TAF2: variants seen among roughly 807,000 people sequenced by gnomAD.
The protein encoded by TAF2 is TATA-box binding protein associated factor 2, also known as transcription initiation factor TFIID subunit 2.
TAF2 carries 61 observed loss-of-function variants against 138.5 expected under a neutral mutation model. The observed-to-expected ratio is 0.44, with a 90% CI of 0.36 to 0.54. The LOEUF (loss-of-function observed/expected upper bound fraction) is 0.54, where lower values mean the gene tolerates loss of function less well. Ranked by LOEUF, TAF2 falls within the 20% of genes least tolerant of loss-of-function variation. The pLI is 0.00. For missense variants in TAF2, 1,090 were observed against 1,427.9 expected, an observed-to-expected ratio of 0.76 and a Z score of 3.81; for synonymous variants, 475 against 469.9, an observed-to-expected ratio of 1.01 and a Z score of -0.14.
chr8:119,831,477 A>G (rs796453388), intron 2 of TAF2, among the ~76,000 whole-genome samples, 200 bp downstream of exon 2: 22 of 152,340 alleles, frequency 1.4e-4, no homozygotes, highest in African/African-American at 5.1e-4. Flanking sequence ...AAAAAAAAGG[A>G]AAGGGAGAAT....
rs539382226 is a variant in TAF2 at position 119,815,113 on chromosome 8, C to A, written c.299+4233G>T. ...CCTGACCAATATGGTGAAACCCTGTCTCTACTAAAAATACAAAAATTAGCC... is the reference window on the plus strand; with the variant it reads ...CCTGACCAATATGGTGAAACCCTGTATCTACTAAAAATACAAAAATTAGCC... On this transcript the variant is annotated intron_variant, in intron 3 of 25. Coordinates refer to ENST00000378164, the MANE Select transcript of TAF2 (RefSeq NM_003184.4). Among the ~76,000 whole-genome samples, 482 of 148,440 alleles carry A rather than the reference C, an allele frequency of 3.2e-3. 3 individuals are homozygous for A. Among genetic ancestry groups the A allele is most frequent in the African/African-American group, 0.011 (453 of 40,472 alleles).
rs181583422 is a variant in TAF2 at position 119,737,612 on chromosome 8, G to A, written c.3337+4922C>T. ...CAACCTCTGCTTCCCAGGTTCAAGCGAATCTCCTGCCTCAGCCTCCCGAGT... is the reference window on the plus strand; with the variant it reads ...CAACCTCTGCTTCCCAGGTTCAAGCAAATCTCCTGCCTCAGCCTCCCGAGT... On this transcript the variant is annotated intron_variant, in intron 25 of 25. Transcript: ENST00000378164. Among the ~76,000 whole-genome samples the A allele has an allele frequency of 7.4e-3, 1,120 of 150,816 alleles. 5 individuals are homozygous for A. The highest frequency in any genetic ancestry group is 0.014 in the South Asian group (67 of 4,756).
intron 3 of TAF2, among the ~76,000 whole-genome samples, chr8:119,813,303 C>T (rs375518040): frequency 7.2e-5 from 11 of 152,318 alleles, no homozygotes; most frequent in Middle Eastern, 3.4e-3. Context: ...AAAAGAATAG[C>T]TACTCCTGCT....
chr8:119,762,773 C>A (rs926281705), intron 18 of TAF2, 165 bp from the exon 19 acceptor site: 1 of 590,288 alleles, frequency 1.7e-6, no homozygotes, highest in Non-Finnish European at 2.9e-6. Flanking sequence ...TGTGGTCACT[C>A]TGAAAACAGT....
chr8:119,756,266 T>G, intron 21 of TAF2, 151 bp from the exon 22 acceptor site: 2 of 650,698 alleles, frequency 3.1e-6, no homozygotes, highest in Non-Finnish European at 5.4e-6. Flanking sequence ...TTTATTTAGT[T>G]TAATTTCCAA....
At chr8:119,765,068 G>A (rs1586361314) in intron 18 of TAF2, among the ~76,000 whole-genome samples, 1 of 152,254 alleles carries the variant, frequency 6.6e-6, no homozygotes. Context: ...CCACTGTTGT[G>A]TTTTTGCTAT....
chr8:119,825,456 G>A (rs1826036234), intron 2 of TAF2, among the ~76,000 whole-genome samples: 1 of 152,174 alleles, frequency 6.6e-6, no homozygotes, highest in African/African-American at 2.4e-5. Flanking sequence ...AATGAGTTAA[G>A]ATTTTGGGGG....
chr8:119,806,372 T>C lies in TAF2; in HGVS notation c.329A>G (p.Tyr110Cys). ...QRNLNYFSNA[Y>C]AAAVSAVDPD... ...GTCCACAGCACTAACTGCAGCTGCA[T>C]AAGCATTGGAAAAATAATTGAGGTT... Residue 110 changes from tyrosine (Y) to cysteine (C), a missense_variant, in exon 4 of 26, where the codon TAT becomes TGT. Transcript: ENST00000378164. 1 of 1,613,594 alleles carries C rather than the reference T, an allele frequency of 6.2e-7. No individual in the cohort carries two copies. Among genetic ancestry groups the C allele is most frequent in the East Asian group, 2.2e-5 (1 of 44,856 alleles).
At chr8:119,768,949 G>C (rs1365332316) in intron 18 of TAF2, among the ~76,000 whole-genome samples, 1 of 152,196 alleles carries the variant, frequency 6.6e-6, no homozygotes, top group Non-Finnish European at 1.5e-5. Context: ...TGCATGGAGA[G>C]TTATGAGCCC....
intron 2 of TAF2, among the ~76,000 whole-genome samples, chr8:119,830,405 A>G (rs1017860975): frequency 6.6e-6 from 1 of 152,154 alleles, no homozygotes; most frequent in Non-Finnish European, 1.5e-5. Flanking sequence ...CACTAATGCT[A>G]TCTTCATTTA....
chr8:119,795,683 A>T, intron 8 of TAF2, 52 bp from the exon 9 acceptor site: 1 of 1,468,338 alleles, frequency 6.8e-7, no homozygotes, highest in Non-Finnish European at 9.5e-7. Flanking sequence ...AACTCCTCAG[A>T]TAATGTCAAA....
At chr8:119,814,443 TA>T (rs555464241) in intron 3 of TAF2, among the ~76,000 whole-genome samples, 124 of 147,232 alleles carry the variant, frequency 8.4e-4, no homozygotes, top group Admixed American at 1.5e-3. Context: ...TACAAAATCT[TA>T]AAAAAAAAAC....
chr8:119,827,734 ATTTT>A (rs58428759), intron 2 of TAF2, among the ~76,000 whole-genome samples: 39,645 of 144,072 alleles, frequency 0.28, 6,379 homozygotes, highest in Admixed American at 0.46. Flanking sequence ...CATGGAAGGA[ATTTT>A]TTTTTTTTTT....
intron 2 of TAF2, among the ~76,000 whole-genome samples, chr8:119,827,418 C>T (rs1453969654): frequency 3.3e-5 from 5 of 152,178 alleles, no homozygotes; most frequent in African/African-American, 1.2e-4. Context: ...AATTTAATAA[C>T]CCCAAAGTGC....
At chr8:119,750,179 A>G (rs1322932349) in intron 22 of TAF2, among the ~76,000 whole-genome samples, 3 of 152,148 alleles carry the variant, frequency 2.0e-5, no homozygotes, top group Non-Finnish European at 4.4e-5. Context: ...AGTCTCTACT[A>G]AAAATACAAA....
At chr8:119,821,910 T>C (rs1825825818) in intron 2 of TAF2, among the ~76,000 whole-genome samples, 1 of 152,022 alleles carries the variant, frequency 6.6e-6, no homozygotes. Flanking sequence ...ATGGTGGCTG[T>C]AGTTCCAGTT....
At chr8:119,769,457 C>A (rs1821673456) in intron 18 of TAF2, among the ~76,000 whole-genome samples, 1 of 152,100 alleles carries the variant, frequency 6.6e-6, no homozygotes, top group Non-Finnish European at 1.5e-5. Context: ...CTAATGATTT[C>A]ATTTCATCCT....
At position 119,812,718 on chromosome 8, in the gene TAF2, G is replaced by GGTGTGTGTGT. The variant is rs201947539; in HGVS notation, c.300-6327_300-6318dup. 6.3e-4 allele frequency among the ~76,000 whole-genome samples: 90 copies of GGTGTGTGTGT among 143,960 alleles called. 1 individual carries two copies. Among genetic ancestry groups the GGTGTGTGTGT allele is most frequent in the Admixed American group, 3.0e-3 (45 of 14,798 alleles). The allele number at this position is 143,960 out of a possible 152,430, so 94.4% of individuals were successfully genotyped here. A position where few individuals can be genotyped will look rare whatever the true frequency, so the allele number is the denominator to read the frequency against. ...TTTTTATGGCTGAGTAGTATTCCAT[G>GGTGTGTGTGT]GTGTGTGTGTGTGTGTGTGTGTGTG... On this transcript the variant is annotated intron_variant, in intron 3 of 25. Transcript: ENST00000378164.
chr8:119,780,891 C>T (rs1433990949), intron 17 of TAF2, among the ~76,000 whole-genome samples, 162 bp downstream of exon 17: 1 of 148,418 alleles, frequency 6.7e-6, no homozygotes. Context: ...GCGGAGCTTG[C>T]GCCACTGCAT....
Sources: allele counts gnomAD v4.1 joint callset (sites outside exome capture counted in the v4.1 genomes callset), GRCh38; gene constraint gnomAD v4.1.1; transcripts MANE v1.5; gene names NCBI Gene and HGNC (gene_info 2026-07-23, HGNC 2026-07-21).